SLC9A2: variants seen among roughly 807,000 people sequenced by gnomAD.
SLC9A2 encodes the protein solute carrier family 9 member A2.
In SLC9A2, 42 loss-of-function variants were observed where a neutral mutation model predicts 71.7. That is an observed-to-expected ratio of 0.59 (90% CI 0.46 to 0.76). The LOEUF (loss-of-function observed/expected upper bound fraction) is 0.76, where lower values mean the gene tolerates loss of function less well. Among genes scored for constraint, SLC9A2 ranks in the 30% least tolerant of loss-of-function variants. The pLI is 0.00. For missense variants in SLC9A2, 829 were observed against 1,017.4 expected (o/e 0.81, Z 2.52); for synonymous variants, 396 against 392.5 (o/e 1.01, Z -0.10).
At chr2:102,621,252 G>A (rs1354556173) in intron 1 of SLC9A2, among the ~76,000 whole-genome samples, 5 of 151,388 alleles carry the variant, frequency 3.3e-5, no homozygotes, top group African/African-American at 1.2e-4. Context: ...GGAGCCTGAG[G>A]GAGGAGGATC....
At chr2:102,678,447 T>C (rs575246422) in intron 3 of SLC9A2, among the ~76,000 whole-genome samples, 59 of 152,326 alleles carry the variant, frequency 3.9e-4, no homozygotes, top group Middle Eastern at 3.4e-3. Flanking sequence ...TAGTTTTATT[T>C]TGAAGCTTTA....
At position 102,683,362 on chromosome 2, in the gene SLC9A2, T is replaced by C. The variant is rs779577252; in HGVS notation, c.1106T>C (p.Val369Ala). 1.9e-5 allele frequency: 30 copies of C among 1,614,008 alleles called. No individual in the cohort carries two copies. The highest frequency in any genetic ancestry group is 2.5e-5 in the Non-Finnish European group (29 of 1,179,950). Residue 369 changes from valine (V) to alanine (A), a missense_variant, in exon 4 of 12, where the codon GTC (valine) becomes GCC (alanine). This residue lies in a region of SLC9A2 where 500 missense variants were observed against 726.3 expected (regional missense o/e 0.69). Transcript: ENST00000233969. Reference sequence around the variant, plus strand: ...TACTTCATGAAGATGCTGAGCAGTGTCAGCGAAACCTTGATCTTCATCTTC... The same window carrying C: ...TACTTCATGAAGATGCTGAGCAGTGCCAGCGAAACCTTGATCTTCATCTTC... ...IKYFMKMLSS[V>A]SETLIFIFMG...
intron 1 of SLC9A2, among the ~76,000 whole-genome samples, chr2:102,646,188 T>A (rs1377238123): frequency 6.6e-6 from 1 of 152,180 alleles, no homozygotes; most frequent in Non-Finnish European, 1.5e-5. Flanking sequence ...CAGAATTTCA[T>A]ATCCAGCCAA....
chr2:102,620,351 C>T (rs910214518), intron 1 of SLC9A2, among the ~76,000 whole-genome samples: 3 of 152,166 alleles, frequency 2.0e-5, no homozygotes, highest in Admixed American at 6.5e-5. Flanking sequence ...CTTGAAATGG[C>T]CCCAAGTGTA....
At chr2:102,631,718 G>A (rs1414525742) in intron 1 of SLC9A2, among the ~76,000 whole-genome samples, 2 of 151,884 alleles carry the variant, frequency 1.3e-5, no homozygotes, top group Non-Finnish European at 2.9e-5. Flanking sequence ...TCTCTTTAAT[G>A]TAAGGTAAAA....
rs548266508 is a variant in SLC9A2 at position 102,635,732 on chromosome 2, ATTTTG to A, written c.289+15607_289+15611del. 1.5e-3 allele frequency among the ~76,000 whole-genome samples: 230 copies of A among 152,240 alleles called. 2 individuals carry two copies. Among genetic ancestry groups the A allele is most frequent in the Non-Finnish European group, 7.5e-4 (51 of 68,004 alleles). On this transcript the variant is annotated intron_variant, in intron 1 of 11. Coordinates refer to ENST00000233969, the MANE Select transcript of SLC9A2 (RefSeq NM_003048.6). Reference sequence around the variant, plus strand: ...TGAACCTCAGAAGAGTCTGTATCTTATTTTGTTTTGTTTTGTGTTACAACTGACAT... The same window carrying A: ...TGAACCTCAGAAGAGTCTGTATCTTATTTTGTTTTGTGTTACAACTGACAT...
intron 5 of SLC9A2, among the ~76,000 whole-genome samples, chr2:102,689,989 C>G (rs188028278): frequency 6.6e-6 from 1 of 151,892 alleles, no homozygotes; most frequent in Admixed American, 6.6e-5. Context: ...GGGGAGAAGC[C>G]AGAGTGGGAG....
intron 5 of SLC9A2, among the ~76,000 whole-genome samples, chr2:102,692,100 C>T (rs181139005): frequency 1.8e-4 from 27 of 152,306 alleles, no homozygotes; most frequent in African/African-American, 6.3e-4. Context: ...CATGTTTACA[C>T]CCGTTTCATT....
rs1246079883 is a variant in SLC9A2 at position 102,708,864 on chromosome 2, T to C, written c.*375T>C. On this transcript the variant is annotated 3_prime_UTR_variant, in exon 12 of 12. Transcript: ENST00000233969. Reference sequence around the variant, plus strand: ...CAAATTTTATTTATGAAAAAATATGTATATCTGTAATCAGTTGTTAAGTGA... The same window carrying C: ...CAAATTTTATTTATGAAAAAATATGCATATCTGTAATCAGTTGTTAAGTGA... The C allele has an allele frequency of 9.8e-6, 2 of 204,478 alleles. No homozygotes were observed. The highest frequency in any genetic ancestry group is 4.7e-5 in the African/African-American group (2 of 42,340). 12.7% of individuals were successfully genotyped at this position (204,478 alleles called of 1,614,324 possible).
intron 1 of SLC9A2, among the ~76,000 whole-genome samples, chr2:102,657,337 A>C (rs1676963253): frequency 6.6e-6 from 1 of 152,074 alleles, no homozygotes; most frequent in Non-Finnish European, 1.5e-5. Context: ...TACCTATAGC[A>C]CTCCAATTTT....
At chr2:102,631,153 AC>A (rs1383102754) in intron 1 of SLC9A2, among the ~76,000 whole-genome samples, 1 of 152,084 alleles carries the variant, frequency 6.6e-6, no homozygotes, top group Non-Finnish European at 1.5e-5. Flanking sequence ...TGATTCAAGT[AC>A]TATAGATATA....
In SLC9A2 at chr2:102,678,366, AG is replaced by A. The variant is rs375113544; in HGVS notation, c.1005-4887del. 1.8e-4 allele frequency among the ~76,000 whole-genome samples: 28 copies of A among 151,680 alleles called. No individual in the cohort carries two copies. The East Asian group carries it at 2.1e-3, about 12-fold the overall frequency. On this transcript the variant is annotated intron_variant, in intron 3 of 11. Transcript: ENST00000233969. ...CAGAGAGAGAGAGACATGCATGAAA[AG>A]GGGGGGGAAGGATAATTCAATGACA...
intron 1 of SLC9A2, among the ~76,000 whole-genome samples, chr2:102,631,299 T>C (rs76605545): frequency 0.037 from 5,627 of 151,486 alleles, 154 homozygotes; most frequent in Non-Finnish European, 0.056. Context: ...CTTTTCTTTT[T>C]TTTTTGTGCT....
intron 5 of SLC9A2, among the ~76,000 whole-genome samples, chr2:102,693,788 G>C (rs1677705714): frequency 6.6e-6 from 1 of 152,164 alleles, no homozygotes; most frequent in East Asian, 1.9e-4. Context: ...CAAAGTCCTA[G>C]AACCCAGGTC....
chr2:102,676,487 T>C (rs1397826384), intron 3 of SLC9A2, among the ~76,000 whole-genome samples: 1 of 152,244 alleles, frequency 6.6e-6, no homozygotes, highest in Non-Finnish European at 1.5e-5. Context: ...TGCAGAGAAT[T>C]TATGCAATGG....
At chr2:102,674,231 T>C (rs1052642529) in intron 3 of SLC9A2, among the ~76,000 whole-genome samples, 6 of 152,210 alleles carry the variant, frequency 3.9e-5, no homozygotes, top group African/African-American at 1.4e-4. Flanking sequence ...AGGTTAGAGC[T>C]AGGAATACAG....
intron 1 of SLC9A2, among the ~76,000 whole-genome samples, chr2:102,657,213 A>AT (rs1676959234): frequency 6.6e-6 from 1 of 151,896 alleles, no homozygotes; most frequent in Admixed American, 6.6e-5. Context: ...CTCAAAAAAA[A>AT]AAATAATAAT....
At chr2:102,621,351 G>GAA (rs1196864143) in intron 1 of SLC9A2, among the ~76,000 whole-genome samples, 1 of 71,784 alleles carries the variant, frequency 1.4e-5, no homozygotes, top group Non-Finnish European at 3.3e-5. Flanking sequence ...CTTGTCTCAG[G>GAA]GAAAAAAAAA....
At position 102,710,858 on chromosome 2, in the gene SLC9A2, G is replaced by A. The variant is rs190638642; in HGVS notation, c.*2369G>A. 6.6e-6 allele frequency: 1 copy of A among 152,324 alleles called. No homozygotes were observed. Among genetic ancestry groups the A allele is most frequent in the South Asian group, 2.1e-4 (1 of 4,838 alleles). 9.4% of individuals were successfully genotyped at this position (152,324 alleles called of 1,614,324 possible). A position where few individuals can be genotyped will look rare whatever the true frequency, so the allele number is the denominator to read the frequency against. On this transcript the variant is annotated 3_prime_UTR_variant, in exon 12 of 12. Coordinates refer to ENST00000233969, the MANE Select transcript of SLC9A2 (RefSeq NM_003048.6). ...ATCCAACCAAAGTTCCAATGTGACT[G>A]TGGATCTTTGATAGGTCTTTGGTGT...
Sources: allele counts gnomAD v4.1 joint callset (sites outside exome capture counted in the v4.1 genomes callset), GRCh38; gene constraint gnomAD v4.1.1; regional missense constraint gnomAD v4.1.1; transcripts MANE v1.5; gene names NCBI Gene and HGNC (gene_info 2026-07-23, HGNC 2026-07-21).